The following TYR variants were observed in gnomAD, a reference collection of about 807,000 sequenced individuals.
TYR encodes the protein LB24-AB.
In TYR, 58 loss-of-function variants were observed where a neutral mutation model predicts 51.5. That is an observed-to-expected ratio of 1.13 (90% CI 0.91 to 1.40). TYR has a LOEUF of 1.40. Ranked by LOEUF, TYR falls within the 40% of genes most tolerant of loss-of-function variation. The pLI is 0.00. For missense variants in TYR, 732 were observed against 647.4 expected (o/e 1.13, Z -1.42); for synonymous variants, 263 against 235.2 (o/e 1.12, Z -1.08).
chr11:89,193,275 T>C lies in TYR; in HGVS notation c.1036+1857T>C, dbSNP rs138729385. Among the ~76,000 whole-genome samples, 859 of 152,144 alleles carry C rather than the reference T, an allele frequency of 5.6e-3. 6 individuals carry two copies. The highest frequency in any genetic ancestry group is 0.015 in the African/African-American group (619 of 41,514). On this transcript the variant is annotated intron_variant, in intron 2 of 4. Transcript: ENST00000263321. ...GCATATATTTTATTATTAAGAAGCATGGGTTAGTTGCAGAAATAAGGCAGG... is the reference window on the plus strand; with the variant it reads ...GCATATATTTTATTATTAAGAAGCACGGGTTAGTTGCAGAAATAAGGCAGG...
rs1250473610 is a variant in TYR, at chr11:89,191,392, A to G, written c.1010A>G (p.Asn337Ser). The change falls in exon 2 of 5, where the codon AAT becomes AGT. Residue 337 changes from asparagine to serine, a missense_variant. Asn to Ser is a conservative substitution (Grantham distance 46). Coordinates refer to ENST00000263321, the MANE Select transcript of TYR (RefSeq NM_000372.5). ...YESGSMDKAA[N>S]FSFRNTLEGF... is the part of the protein sequence containing the mutation. ...TCTGGTTCCATGGATAAAGCTGCCA[A>G]TTTCAGCTTTAGAAATACACTGGAA... 1.2e-6 allele frequency: 2 copies of G among 1,613,496 alleles called. No homozygotes were observed. The highest frequency in any genetic ancestry group is 4.5e-5 in the East Asian group (2 of 44,866).
At chr11:89,212,594 A>G (rs1943774602) in intron 2 of TYR, among the ~76,000 whole-genome samples, 1 of 152,240 alleles carries the variant, frequency 6.6e-6, no homozygotes, top group East Asian at 1.9e-4. Flanking sequence ...TTATGAGGCC[A>G]GCATCATCCT....
intron 2 of TYR, among the ~76,000 whole-genome samples, chr11:89,225,531 G>T (rs934998133): frequency 6.6e-6 from 1 of 151,592 alleles, no homozygotes; most frequent in African/African-American, 2.4e-5. Context: ...ATAACATTTA[G>T]ATATAATTGT....
chr11:89,267,270 G>A (rs1944536838), intron 3 of TYR, among the ~76,000 whole-genome samples: 1 of 152,026 alleles, frequency 6.6e-6, no homozygotes, highest in East Asian at 1.9e-4. Context: ...TTATTTAACT[G>A]TTATTACCTT....
chr11:89,279,604 A>T (rs1211247534), intron 3 of TYR, among the ~76,000 whole-genome samples: 1 of 151,692 alleles, frequency 6.6e-6, no homozygotes, highest in Non-Finnish European at 1.5e-5. Flanking sequence ...CTTTGATTAA[A>T]TTATTATGCT....
intron 1 of TYR, 142 bp downstream of exon 1, chr11:89,178,914 T>C (rs1943265236): frequency 2.5e-6 from 2 of 786,506 alleles, no homozygotes; most frequent in Non-Finnish European, 4.3e-6. Context: ...GAACTCTCAA[T>C]GTATCTTGTA....
chr11:89,258,119 A>G (rs1156593105), intron 3 of TYR, among the ~76,000 whole-genome samples: 2 of 152,056 alleles, frequency 1.3e-5, no homozygotes, highest in African/African-American at 4.8e-5. Context: ...GTGTGGCATT[A>G]TGACAATGGA....
chr11:89,256,412 T>C (rs1488912362), intron 3 of TYR, among the ~76,000 whole-genome samples: 1 of 151,640 alleles, frequency 6.6e-6, no homozygotes, highest in African/African-American at 2.4e-5. Context: ...ATAAAGAACT[T>C]TGTTTTCTAT....
intron 3 of TYR, among the ~76,000 whole-genome samples, chr11:89,243,164 T>C (rs1232861123): frequency 6.6e-6 from 1 of 152,238 alleles, no homozygotes; most frequent in Non-Finnish European, 1.5e-5. Context: ...ATACAGTGCT[T>C]TATTGGGGTT....
chr11:89,277,004 A>G (rs1324594945), intron 3 of TYR, among the ~76,000 whole-genome samples: 1 of 151,772 alleles, frequency 6.6e-6, no homozygotes, highest in Admixed American at 6.6e-5. Flanking sequence ...CCAATCATTT[A>G]TATTGTCTCA....
Position 89,278,127 on chromosome 11 carries a change from T to C in TYR, c.1185-6646T>C, listed in dbSNP as rs190540765. ...CGCATACTTCCAATCAAAGATTCTT[T>C]CCAAATTCCATTCTGTCCTTCAGAA... is the stretch of plus-strand genomic sequence containing the variant. On this transcript the variant is annotated intron_variant, in intron 3 of 4. Transcript: ENST00000263321. Among the ~76,000 whole-genome samples the C allele has an allele frequency of 2.5e-4, 38 of 151,834 alleles. No individual in the cohort carries two copies. In the East Asian group the frequency reaches 5.9e-3, roughly 23 times the overall value.
intron 1 of TYR, among the ~76,000 whole-genome samples, chr11:89,187,032 C>T (rs1285633553): frequency 1.3e-5 from 2 of 152,088 alleles, no homozygotes; most frequent in African/African-American, 2.4e-5. Context: ...GCTGTTTAAG[C>T]CACCCAGTCT....
At chr11:89,284,740 G>A (rs1213701423) in intron 3 of TYR, 33 bp from the exon 4 acceptor site, 1 of 1,602,350 alleles carries the variant, frequency 6.2e-7, no homozygotes, top group East Asian at 2.2e-5. Context: ...TACACAATAT[G>A]TTTCTTAGTC....
At chr11:89,268,593 G>A (rs1037195258) in intron 3 of TYR, among the ~76,000 whole-genome samples, 1 of 151,810 alleles carries the variant, frequency 6.6e-6, no homozygotes, top group African/African-American at 2.4e-5. Flanking sequence ...CTAAACAGAA[G>A]TATTACATTT....
At chr11:89,225,476 C>T (rs944520522) in intron 2 of TYR, among the ~76,000 whole-genome samples, 4 of 151,740 alleles carry the variant, frequency 2.6e-5, no homozygotes, top group Admixed American at 6.6e-5. Context: ...CTAACATCTC[C>T]TTAATCCTCA....
At chr11:89,271,214 TA>T (rs1031464646) in intron 3 of TYR, among the ~76,000 whole-genome samples, 45 of 152,000 alleles carry the variant, frequency 3.0e-4, no homozygotes, top group African/African-American at 1.1e-3. Flanking sequence ...CAGTTAATGC[TA>T]AAAACAATCC....
intron 3 of TYR, among the ~76,000 whole-genome samples, chr11:89,231,035 G>A (rs554526701): frequency 6.6e-6 from 1 of 152,086 alleles, no homozygotes; most frequent in East Asian, 1.9e-4. Flanking sequence ...GCCATGGGTG[G>A]TGGCAGACGC....
At chr11:89,288,995 G>A (rs922178724) in intron 4 of TYR, among the ~76,000 whole-genome samples, 8 of 151,990 alleles carry the variant, frequency 5.3e-5, no homozygotes, top group Non-Finnish European at 7.4e-5. Context: ...GGCAGCTGAT[G>A]TCTGCCATTT....
chr11:89,252,652 G>C (rs918872446), intron 3 of TYR, among the ~76,000 whole-genome samples: 1 of 151,770 alleles, frequency 6.6e-6, no homozygotes, highest in Non-Finnish European at 1.5e-5. Flanking sequence ...ACAAAGTACT[G>C]ATTCAGAAAA....
Sources: allele counts gnomAD v4.1 joint callset (sites outside exome capture counted in the v4.1 genomes callset), GRCh38; gene constraint gnomAD v4.1.1; transcripts MANE v1.5; gene names NCBI Gene and HGNC (gene_info 2026-07-23, HGNC 2026-07-21).